The following CCDC186 variants were observed in gnomAD, a reference collection of about 807,000 sequenced individuals.
CCDC186 encodes the protein coiled-coil domain containing 186, also known as coiled-coil domain-containing protein 186.
Under a neutral mutation model 113.7 loss-of-function variants are expected in CCDC186, and 49 were observed. That is an observed-to-expected ratio of 0.43 (90% CI 0.34 to 0.55). CCDC186 has a LOEUF of 0.55. Among genes scored for constraint, CCDC186 ranks in the 20% least tolerant of loss-of-function variants. The pLI, the probability that CCDC186 is intolerant of heterozygous loss-of-function variation, is 0.02. For synonymous variants in CCDC186, 355 were observed against 345.8 expected (o/e 1.03, Z -0.30); for missense variants, 890 against 1,011.1 (o/e 0.88, Z 1.62).
chr10:114,149,378 A>C (rs2031740889), intron 4 of CCDC186, among the ~76,000 whole-genome samples: 1 of 152,192 alleles, frequency 6.6e-6, no homozygotes, highest in Admixed American at 6.5e-5. Flanking sequence ...TATTTTTGGA[A>C]GGATACACAG....
chr10:114,173,265 T>C (rs1172955821), intron 1 of CCDC186: 1 of 454,288 alleles, frequency 2.2e-6, no homozygotes, highest in African/African-American at 2.0e-5. Context: ...GACTTTTTCC[T>C]CTAAACAAAA....
chr10:114,151,652 T>C (rs1039454592), intron 3 of CCDC186, among the ~76,000 whole-genome samples: 2 of 152,246 alleles, frequency 1.3e-5, no homozygotes, highest in African/African-American at 2.4e-5. Flanking sequence ...CTGTGAGTCA[T>C]CCCTTTGTCC....
chr10:114,168,900 G>A (rs1450714861), intron 1 of CCDC186, among the ~76,000 whole-genome samples: 1 of 152,156 alleles, frequency 6.6e-6, no homozygotes, highest in Non-Finnish European at 1.5e-5. Flanking sequence ...AAACAAACTA[G>A]TCTCATGCAA....
chr10:114,150,344 A>G (rs1164130425), intron 4 of CCDC186, among the ~76,000 whole-genome samples: 2 of 152,212 alleles, frequency 1.3e-5, no homozygotes, highest in Non-Finnish European at 2.9e-5. Context: ...ATATATACCA[A>G]CTTAAAAAGA....
At position 114,149,444 on chromosome 10, in the gene CCDC186, T is replaced by G. The variant is rs1429157720; in HGVS notation, c.888+1648A>C. Among the ~76,000 whole-genome samples, 3 of 152,080 alleles carry G rather than the reference T, an allele frequency of 2.0e-5. No homozygotes were observed. The East Asian group carries it at 5.8e-4, about 29-fold the overall frequency. On this transcript the variant is annotated intron_variant, in intron 4 of 15. Coordinates refer to ENST00000369287, the MANE Select transcript of CCDC186 (RefSeq NM_018017.4). ...GGGGGTAAAATGTTTGGAAGAAGACTTTTTCAAATGTTTGAACTGCTACCA... is the reference window on the plus strand; with the variant it reads ...GGGGGTAAAATGTTTGGAAGAAGACGTTTTCAAATGTTTGAACTGCTACCA...
intron 1 of CCDC186, among the ~76,000 whole-genome samples, chr10:114,173,467 TG>T (rs2032580652): frequency 6.6e-6 from 1 of 152,202 alleles, no homozygotes; most frequent in Admixed American, 6.5e-5. Flanking sequence ...TGAAATGCCT[TG>T]ACGTCCTTGA....
chr10:114,143,074 G>T (rs1482455827), intron 6 of CCDC186, among the ~76,000 whole-genome samples: 1 of 152,152 alleles, frequency 6.6e-6, no homozygotes, highest in African/African-American at 2.4e-5. Flanking sequence ...AATGCCTTTA[G>T]TTAAAAAGAA....
At chr10:114,165,811 G>A in intron 1 of CCDC186, 3 of 805,926 alleles carry the variant, frequency 3.7e-6, no homozygotes, top group Non-Finnish European at 4.5e-6. Flanking sequence ...TCGTGCCATT[G>A]CACTCCAGCC....
intron 1 of CCDC186, among the ~76,000 whole-genome samples, chr10:114,166,291 C>T (rs937828274): frequency 2.0e-4 from 30 of 152,152 alleles, no homozygotes; most frequent in Admixed American, 1.1e-3. Context: ...TCAAAGATTC[C>T]CCCAACTTGC....
intron 12 of CCDC186, 156 bp downstream of exon 12, chr10:114,130,991 G>T: frequency 5.9e-6 from 3 of 504,264 alleles, no homozygotes; most frequent in Non-Finnish European, 6.5e-6. Context: ...ATAAAAGATC[G>T]GTCATGAAAT....
intron 15 of CCDC186, among the ~76,000 whole-genome samples, chr10:114,125,579 T>A (rs1439026539): frequency 1.3e-5 from 2 of 152,058 alleles, no homozygotes; most frequent in Non-Finnish European, 2.9e-5. Flanking sequence ...GAAAAATAAA[T>A]CAGAAATGTC....
intron 6 of CCDC186, among the ~76,000 whole-genome samples, chr10:114,141,819 G>T (rs544300708): frequency 1.3e-5 from 2 of 152,138 alleles, no homozygotes; most frequent in East Asian, 1.9e-4. Context: ...GGCTGTCCAG[G>T]TTCTTCTTGT....
intron 7 of CCDC186, 23 bp from the exon 8 acceptor site, chr10:114,136,269 AGT>A: frequency 1.3e-6 from 2 of 1,569,926 alleles, no homozygotes; most frequent in Non-Finnish European, 1.7e-6. Context: ...AAACAAAAAA[AGT>A]GTGACAATTT....
intron 1 of CCDC186, 85 bp downstream of exon 1, chr10:114,173,930 T>C (rs1042585855): frequency 4.5e-6 from 2 of 447,574 alleles, no homozygotes; most frequent in African/African-American, 4.0e-5. Flanking sequence ...CCACGGAACG[T>C]GCAGGAAGGA....
Position 114,151,124 on chromosome 10 carries a change from A to G in CCDC186, c.856T>C (p.Leu286=). 1 of 1,613,802 alleles carries G rather than the reference A, an allele frequency of 6.2e-7. No individual in the cohort carries two copies. Among genetic ancestry groups the G allele is most frequent in the Non-Finnish European group, 8.5e-7 (1 of 1,179,862 alleles). Residue 286 remains leucine (L), a synonymous_variant, in exon 4 of 16, where the codon TTA becomes CTA. Transcript: ENST00000369287. ...ATCCGTTGGGCCATCTCTTTGTGTA[A>G]CTGCTGAACTGCATTTTTAGCTGTA... ...DVTAKNAVQQ[L]HKEMAQRMEQ...
chr10:114,154,620 C>T lies in CCDC186; in HGVS notation c.759+2934G>A, dbSNP rs536794276. The stretch of plus-strand genomic sequence containing the variant: ...CCCAGGTGGCTACACAGGTAAAATT[C>T]TTTAAAACAATTAAAGAAGAATACC... On this transcript the variant is annotated intron_variant, in intron 3 of 15. Transcript: ENST00000369287. Among the ~76,000 whole-genome samples the T allele has an allele frequency of 5.5e-3, 841 of 152,210 alleles. 3 individuals carry two copies. Among genetic ancestry groups the T allele is most frequent in the Non-Finnish European group, 8.9e-3 (608 of 68,004 alleles).
intron 3 of CCDC186, among the ~76,000 whole-genome samples, chr10:114,154,633 AAAG>A (rs1283987991): frequency 1.1e-4 from 16 of 152,242 alleles, no homozygotes; most frequent in African/African-American, 3.9e-4. Flanking sequence ...TAAAACAATT[AAAG>A]AAGAATACCA....
At chr10:114,136,725 C>T (rs1377660416) in intron 7 of CCDC186, among the ~76,000 whole-genome samples, 8 of 152,122 alleles carry the variant, frequency 5.3e-5, no homozygotes, top group Non-Finnish European at 8.8e-5. Flanking sequence ...GTTGCAGGTA[C>T]TTTAACATTG....
rs747040967 is a variant in CCDC186 at position 114,137,214 on chromosome 10, T to G, written c.1298A>C (p.Asn433Thr). 2.5e-6 allele frequency: 4 copies of G among 1,613,366 alleles called. No individual in the cohort carries two copies. The highest frequency in any genetic ancestry group is 3.4e-6 in the Non-Finnish European group (4 of 1,179,596). ...AKEEADQIRK[N>T]CQDMIKTYQE... The stretch of plus-strand genomic sequence containing the variant: ...ATATGTTTTTATCATATCCTGACAG[T>G]TTTTTCGTATCTGATCTGCTTCTTC... The change falls in exon 7 of 16, where the codon AAC (asparagine) becomes ACC (threonine). Residue 433 changes from asparagine to threonine, a missense_variant. By Grantham distance (65) the Asn-to-Thr change is moderately conservative. Transcript: ENST00000369287.
Sources: gnomAD v4.1 joint callset for allele counts (sites outside exome capture counted in the v4.1 genomes callset) on GRCh38, gnomAD v4.1.1 for gene constraint, MANE v1.5 for transcripts, NCBI Gene and HGNC (gene_info 2026-07-23, HGNC 2026-07-21) for gene names.